PRPF3: variants seen among roughly 807,000 people sequenced by gnomAD.
PRPF3 encodes the protein U4/U6 small nuclear ribonucleoprotein Prp3.
Under a neutral mutation model 89.2 loss-of-function variants are expected in PRPF3, and 3 were observed. That is an observed-to-expected ratio of 0.03 (90% confidence interval 0.02 to 0.09). The LOEUF (loss-of-function observed/expected upper bound fraction) is 0.09. PRPF3 is among the 10% of genes least tolerant of loss of function. PRPF3 has a pLI of 1.00. For synonymous variants in PRPF3, 270 were observed against 289.1 expected (o/e 0.93, Z 0.67); for missense variants, 463 against 828.8 (o/e 0.56, Z 5.42).
chr1:150,342,889 G>A (rs1161267150), intron 9 of PRPF3, among the ~76,000 whole-genome samples: 4 of 152,138 alleles, frequency 2.6e-5, no homozygotes, highest in African/African-American at 7.2e-5. Flanking sequence ...GGCTGGTCTC[G>A]AACTCTTGGG....
chr1:150,346,414 A>C lies in PRPF3; in HGVS notation c.1766A>C (p.Lys589Thr). ...VNVVVVEGGP[K>T]AQKKFKRLML... Reference sequence around the variant, plus strand: ...TATTCTTCTCTGTTTCCAGGCCCCAAGGCCCAGAAGAAATTTAAGCGTCTT... The same window carrying C: ...TATTCTTCTCTGTTTCCAGGCCCCACGGCCCAGAAGAAATTTAAGCGTCTT... Residue 589 changes from lysine (K) to threonine (T), a missense_variant, in exon 14 of 16, where the codon AAG becomes ACG. Coordinates refer to ENST00000324862, the MANE Select transcript of PRPF3 (RefSeq NM_004698.4). The C allele has an allele frequency of 6.2e-7, 1 of 1,613,784 alleles. No individual in the cohort carries two copies. Among genetic ancestry groups the C allele is most frequent in the Non-Finnish European group, 8.5e-7 (1 of 1,179,692 alleles).
intron 6 of PRPF3, 133 bp from the exon 7 acceptor site, chr1:150,334,802 C>T (rs2101977651): frequency 9.4e-7 from 1 of 1,065,542 alleles, no homozygotes; most frequent in Non-Finnish European, 1.4e-6. Context: ...CTCCTGGGCT[C>T]AAGTGATCCC....
Position 150,353,135 on chromosome 1 carries a change from G to A in PRPF3, c.*156G>A. Reference sequence around the variant, plus strand: ...GGAGAATATCTTGCTCCCCTCCTGAGTCAGCCTGGTGTTGCCCTTTATTCC... The same window carrying A: ...GGAGAATATCTTGCTCCCCTCCTGAATCAGCCTGGTGTTGCCCTTTATTCC... On this transcript the variant is annotated 3_prime_UTR_variant, in exon 16 of 16. Coordinates refer to ENST00000324862, the MANE Select transcript of PRPF3 (RefSeq NM_004698.4). The A allele has an allele frequency of 1.1e-6, 1 of 951,446 alleles. No homozygotes were observed. Among genetic ancestry groups the A allele is most frequent in the Admixed American group, 1.9e-5 (1 of 53,128 alleles). 58.9% of individuals were successfully genotyped at this position (951,446 alleles called of 1,614,324 possible). A position where few individuals can be genotyped will look rare whatever the true frequency, so the allele number is the denominator to read the frequency against.
chr1:150,334,658 C>T (rs978457866), intron 6 of PRPF3, among the ~76,000 whole-genome samples: 8 of 152,174 alleles, frequency 5.3e-5, no homozygotes, highest in South Asian at 4.2e-4. Context: ...ACTGCAGCCT[C>T]AACTTCCTGG....
chr1:150,352,702 T>A (rs78725366), intron 15 of PRPF3, 131 bp from the exon 16 acceptor site: 1 of 883,086 alleles, frequency 1.1e-6, no homozygotes, highest in South Asian at 1.6e-5. Flanking sequence ...GAGGTCACAA[T>A]TTTTTTTTAA....
At chr1:150,345,994 A>G (rs1553872845) in intron 12 of PRPF3, 24 bp from the exon 13 acceptor site, 4 of 1,571,362 alleles carry the variant, frequency 2.5e-6, no homozygotes, top group Admixed American at 1.7e-5. Context: ...AATGGAAGAC[A>G]TAACTAAACT....
In PRPF3 at chr1:150,335,179, C is replaced by T; in HGVS notation, c.973C>T (p.Arg325Cys). The change falls in exon 7 of 16, where the codon CGC becomes TGC. Residue 325 changes from arginine to cysteine, a missense_variant. Around this residue, in one of 8 missense-constraint regions of PRPF3, gnomAD observed 261 missense variants for 475.8 expected, o/e 0.55. Transcript: ENST00000324862. ...CATTGCCCCTTCCCAGCGCCAGAGA[C>T]GCACTTTTAAATTCCATGACAAGGG... ...VSIAPSQRQR[R>C]TFKFHDKGKF... 1.9e-6 allele frequency: 3 copies of T among 1,614,068 alleles called. No individual in the cohort carries two copies. Among genetic ancestry groups the T allele is most frequent in the African/African-American group, 1.3e-5 (1 of 75,030 alleles).
intron 12 of PRPF3, among the ~76,000 whole-genome samples, chr1:150,345,012 C>G (rs587610970): frequency 6.6e-6 from 1 of 151,714 alleles, no homozygotes; most frequent in South Asian, 2.1e-4. Flanking sequence ...CTCCAAAATG[C>G]ATTTTATATG....
At chr1:150,347,309 C>T (rs1658383062) in intron 14 of PRPF3, among the ~76,000 whole-genome samples, 1 of 151,702 alleles carries the variant, frequency 6.6e-6, no homozygotes, top group Non-Finnish European at 1.5e-5. Context: ...CACATGTACA[C>T]ACACATACAC....
intron 14 of PRPF3, among the ~76,000 whole-genome samples, chr1:150,348,476 T>TTTTTTTTTTTTTTTTTG (rs1560120317): frequency 7.4e-6 from 1 of 134,574 alleles, no homozygotes; most frequent in East Asian, 2.3e-4. Flanking sequence ...TTTTTTTTTT[T>TTTTTTTTTTTTTTTTTG]TTTGAGATGG....
intron 4 of PRPF3, among the ~76,000 whole-genome samples, chr1:150,332,236 G>GA (rs1257167228): frequency 1 from 150,213 of 150,648 alleles, 74,890 homozygotes; most frequent in Middle Eastern, 1. Flanking sequence ...AAAAAAAAAA[G>GA]AAAATTAAGT....
rs1553866975 is a variant in PRPF3 at position 150,335,165 on chromosome 1, C to T, written c.959C>T (p.Ser320Phe). 2.5e-6 allele frequency: 4 copies of T among 1,614,104 alleles called. No homozygotes were observed. The Admixed American group carries it at 5.0e-5, about 20-fold the overall frequency. ...FFDPRVSIAP[S>F]QRQRRTFKFH... ...GACCCCCGAGTCTCCATTGCCCCTT[C>T]CCAGCGCCAGAGACGCACTTTTAAA... Residue 320 changes from serine (S) to phenylalanine (F), a missense_variant, in exon 7 of 16, where the codon TCC becomes TTC. Ser to Phe is a radical substitution (Grantham distance 155, BLOSUM62 -2). Coordinates refer to ENST00000324862, the MANE Select transcript of PRPF3 (RefSeq NM_004698.4).
intron 9 of PRPF3, among the ~76,000 whole-genome samples, chr1:150,342,505 T>TACACACAC (rs147409085): frequency 4.0e-5 from 6 of 150,834 alleles, no homozygotes; most frequent in Admixed American, 2.7e-4. Context: ...TTAAAGTTTA[T>TACACACAC]ACACACACAC....
intron 7 of PRPF3, among the ~76,000 whole-genome samples, chr1:150,336,565 G>A (rs1657021671): frequency 6.6e-6 from 1 of 152,056 alleles, no homozygotes; most frequent in Non-Finnish European, 1.5e-5. Context: ...AGACCAGCCT[G>A]CCCAACATGG....
At chr1:150,323,198 G>A (rs1474796565) in intron 1 of PRPF3, among the ~76,000 whole-genome samples, 1 of 4,726 alleles carries the variant, frequency 2.1e-4, no homozygotes, top group Non-Finnish European at 4.4e-4. Context: ...TTTTTTTTTT[G>A]GAGACACAGT....
intron 14 of PRPF3, among the ~76,000 whole-genome samples, chr1:150,347,321 T>C (rs115244081): frequency 0.016 from 2,444 of 151,600 alleles, 53 homozygotes; most frequent in African/African-American, 0.055. Flanking sequence ...CACATACACA[T>C]ACACACAATA....
intron 3 of PRPF3, among the ~76,000 whole-genome samples, chr1:150,326,119 A>G (rs1481745201): frequency 6.6e-6 from 1 of 152,140 alleles, no homozygotes; most frequent in South Asian, 2.1e-4. Context: ...TTTAGATAAC[A>G]GGAGTTTTGA....
intron 3 of PRPF3, among the ~76,000 whole-genome samples, chr1:150,327,134 C>T (rs1173342821): frequency 2.0e-5 from 3 of 148,496 alleles, no homozygotes; most frequent in Non-Finnish European, 4.4e-5. Flanking sequence ...GTAGCGCAAT[C>T]TTGACTCACT....
rs1553864186 is a variant in PRPF3, at chr1:150,327,673, C to G, written c.277-647C>G. The G allele has an allele frequency of 3.1e-6, 3 of 974,824 alleles. No individual in the cohort carries two copies. In the African/African-American group the frequency reaches 5.3e-5, roughly 17 times the overall value. 60.4% of individuals were successfully genotyped at this position (974,824 alleles called of 1,614,324 possible). A position where few individuals can be genotyped will look rare whatever the true frequency, so the allele number is the denominator to read the frequency against. ...CACCGGTGTGTACATTTGCTTTTTC[C>G]CATTGTCCCTTCCAGTTGGCCACTC... On this transcript the variant is annotated intron_variant, in intron 3 of 15. Transcript: ENST00000324862.
Sources: allele counts gnomAD v4.1 joint callset (sites outside exome capture counted in the v4.1 genomes callset), GRCh38; gene constraint gnomAD v4.1.1; regional missense constraint gnomAD v4.1.1; transcripts MANE v1.5; gene names NCBI Gene and HGNC (gene_info 2026-07-23, HGNC 2026-07-21).